PALLD: variants seen among roughly 807,000 people sequenced by gnomAD.
The protein encoded by PALLD is palladin.
Under a neutral mutation model 123.5 loss-of-function variants are expected in PALLD, and 61 were observed. That is an observed-to-expected ratio of 0.49 (90% CI 0.40 to 0.61). The LOEUF is 0.61. Among genes scored for constraint, PALLD ranks in the 20% least tolerant of loss-of-function variants. PALLD has a pLI of 0.00. For missense variants in PALLD, 1,273 were observed against 1,377.0 expected, an observed-to-expected ratio of 0.92 and a Z score of 1.20; for synonymous variants, 465 against 496.4, an observed-to-expected ratio of 0.94 and a Z score of 0.84.
At chr4:168,830,727 A>G (rs1316804598) in intron 10 of PALLD, among the ~76,000 whole-genome samples, 1 of 152,232 alleles carries the variant, frequency 6.6e-6, no homozygotes, top group East Asian at 1.9e-4. Flanking sequence ...TTTTACAGAC[A>G]TCGTTATTCA....
At chr4:168,630,868 A>G (rs959204974) in intron 2 of PALLD, among the ~76,000 whole-genome samples, 13 of 152,212 alleles carry the variant, frequency 8.5e-5, no homozygotes, top group African/African-American at 3.1e-4. Flanking sequence ...GTCTTTATTA[A>G]ACGGTTGGTT....
At chr4:168,788,557 C>A (rs114748923) in intron 10 of PALLD, among the ~76,000 whole-genome samples, 1 of 152,114 alleles carries the variant, frequency 6.6e-6, no homozygotes, top group Non-Finnish European at 1.5e-5. Flanking sequence ...ATCCCTGTCA[C>A]GATCCATTCG....
intron 2 of PALLD, among the ~76,000 whole-genome samples, chr4:168,666,454 C>G (rs749332122): frequency 6.6e-6 from 1 of 152,048 alleles, no homozygotes; most frequent in Admixed American, 6.5e-5. Context: ...GTTGAAGATG[C>G]CTTTAGCTTG....
intron 2 of PALLD, among the ~76,000 whole-genome samples, chr4:168,527,863 T>C (rs921813042): frequency 2.0e-5 from 3 of 152,162 alleles, no homozygotes; most frequent in African/African-American, 7.2e-5. Flanking sequence ...TCAAGGTACT[T>C]AGTGTCCCAT....
At chr4:168,729,288 C>T (rs780964938) in intron 10 of PALLD, among the ~76,000 whole-genome samples, 1 of 152,034 alleles carries the variant, frequency 6.6e-6, no homozygotes, top group Non-Finnish European at 1.5e-5. Context: ...ACCTCAGCCT[C>T]CTGAGTAGCT....
intron 15 of PALLD, among the ~76,000 whole-genome samples, chr4:168,906,537 G>A (rs1007306060): frequency 3.3e-5 from 5 of 151,930 alleles, no homozygotes; most frequent in African/African-American, 1.2e-4. Flanking sequence ...AATCTCCCTT[G>A]GATCATTCCA....
intron 1 of PALLD, among the ~76,000 whole-genome samples, chr4:168,508,682 T>C (rs1025723997): frequency 6.6e-6 from 1 of 152,200 alleles, no homozygotes; most frequent in Non-Finnish European, 1.5e-5. Context: ...AAAAACACAG[T>C]AGCTTTCTTT....
intron 10 of PALLD, among the ~76,000 whole-genome samples, chr4:168,757,430 A>C (rs554568359): frequency 6.6e-6 from 1 of 152,376 alleles, no homozygotes; most frequent in African/African-American, 2.4e-5. Flanking sequence ...TGCTAGCATC[A>C]TTTGTATCCA....
intron 5 of PALLD, 116 bp from the exon 6 acceptor site, chr4:168,685,369 C>T: frequency 1.3e-6 from 1 of 770,808 alleles, no homozygotes; most frequent in Non-Finnish European, 2.4e-6. Flanking sequence ...TATGGTGGTA[C>T]TTTCATTCAC....
chr4:168,897,664 C>T (rs1446193281), intron 13 of PALLD, among the ~76,000 whole-genome samples: 1 of 152,126 alleles, frequency 6.6e-6, no homozygotes, highest in East Asian at 1.9e-4. Context: ...GTTGCCCAAG[C>T]TGGTCTCAAA....
At chr4:168,655,266 C>T (rs1778441556) in intron 2 of PALLD, among the ~76,000 whole-genome samples, 1 of 152,168 alleles carries the variant, frequency 6.6e-6, no homozygotes, top group South Asian at 2.1e-4. Context: ...AGGAGGGTGG[C>T]TTTGAAAGGA....
Position 168,898,692 on chromosome 4 carries a change from T to C in PALLD, c.2450T>C (p.Val817Ala). ...EGMPVTFTCR[V>A]AGNPKPKIYW... is the part of the protein sequence containing the mutation. Reference sequence around the variant, plus strand: ...ATGCCAGTAACTTTCACATGTAGAGTGGCTGGAAATCCAAAGCCAAAGGTG... The same window carrying C: ...ATGCCAGTAACTTTCACATGTAGAGCGGCTGGAAATCCAAAGCCAAAGGTG... The change falls in exon 14 of 22, where the codon GTG becomes GCG. Residue 817 changes from valine (V) to alanine (A), a missense_variant. This residue lies in a region of PALLD where 329 missense variants were observed against 422.5 expected (regional missense o/e 0.78). Coordinates refer to ENST00000505667, the MANE Select transcript of PALLD (RefSeq NM_001166108.2). 1 of 1,613,476 alleles carries C rather than the reference T, an allele frequency of 6.2e-7. No homozygotes were observed. The highest frequency in any genetic ancestry group is 1.6e-4 in the Middle Eastern group (1 of 6,062).
chr4:168,704,109 C>T (rs902872636), intron 8 of PALLD, among the ~76,000 whole-genome samples: 1 of 151,516 alleles, frequency 6.6e-6, no homozygotes, highest in Non-Finnish European at 1.5e-5. Context: ...CTTTGACAAA[C>T]CTGAGAAAAA....
At position 168,898,509 on chromosome 4, in the gene PALLD, G is replaced by C. The variant is rs763802548; in HGVS notation, c.2267G>C (p.Ser756Thr). 1.4e-5 allele frequency: 22 copies of C among 1,611,480 alleles called. No homozygotes were observed. In the East Asian group the frequency reaches 4.7e-4, roughly 34 times the overall value. ...TTGATTCAGGAATACAAAGTCTCCA[G>C]CTGTGAACAGAGACTCATCAGTGAA... ...LDGQKEYKVS[S>T]CEQRLISEIE... Residue 756 changes from serine to threonine, a missense_variant, in exon 14 of 22, where the codon AGC becomes ACC. Physicochemically the swap from Ser to Thr is moderately conservative, Grantham distance 58 (BLOSUM62 1). Transcript: ENST00000505667.
intron 10 of PALLD, among the ~76,000 whole-genome samples, chr4:168,862,852 T>C (rs1392189828): frequency 6.6e-6 from 1 of 152,194 alleles, no homozygotes; most frequent in African/African-American, 2.4e-5. Context: ...AGTCTTCCCA[T>C]ATCCCTTACA....
chr4:168,915,931 T>C lies in PALLD; in HGVS notation c.2754T>C (p.Asn918=). 2 of 1,613,502 alleles carry C rather than the reference T, an allele frequency of 1.2e-6. No homozygotes were observed. Among genetic ancestry groups the C allele is most frequent in the African/African-American group, 2.7e-5 (2 of 75,034 alleles). ...GATCAAGGGACAGTGGAGACGAAAA[T>C]GAACCAATTCAGGAGCGATTCTTCA... ...RSRSRDSGDE[N]EPIQERFFRP... is the part of the protein sequence containing the mutation. Residue 918 remains asparagine, a synonymous_variant, in exon 17 of 22, where the codon AAT becomes AAC. Transcript: ENST00000505667.
At chr4:168,678,558 A>T (rs780178071) in intron 3 of PALLD, among the ~76,000 whole-genome samples, 2 of 152,090 alleles carry the variant, frequency 1.3e-5, no homozygotes, top group Non-Finnish European at 2.9e-5. Context: ...GAAAACTATG[A>T]CTAAGGTACA....
chr4:168,587,748 T>C (rs1770982975), intron 2 of PALLD, among the ~76,000 whole-genome samples: 1 of 152,068 alleles, frequency 6.6e-6, no homozygotes, highest in Non-Finnish European at 1.5e-5. Context: ...TTTTCCACCA[T>C]ACAGAAATCC....
chr4:168,859,235 G>A (rs17652336), intron 10 of PALLD, among the ~76,000 whole-genome samples: 14,871 of 152,158 alleles, frequency 0.098, 770 homozygotes, highest in Middle Eastern at 0.2. Context: ...CTTTGGAGGC[G>A]ACAGCTTCCT....
Sources: allele counts gnomAD v4.1 joint callset (sites outside exome capture counted in the v4.1 genomes callset), GRCh38; gene constraint gnomAD v4.1.1; regional missense constraint gnomAD v4.1.1; transcripts MANE v1.5; gene names NCBI Gene and HGNC (gene_info 2026-07-23, HGNC 2026-07-21).